The following SGO2 variants were observed in gnomAD, a reference collection of about 807,000 sequenced individuals.
SGO2 encodes shugoshin-like 2.
Under a neutral mutation model 99.5 loss-of-function variants are expected in SGO2, and 68 were observed. The observed-to-expected ratio is 0.68, with a 90% CI of 0.56 to 0.84. SGO2 has a LOEUF of 0.84. SGO2 is among the 40% of genes least tolerant of loss of function. The pLI, the probability that SGO2 is intolerant of heterozygous loss-of-function variation, is 0.00. For missense variants in SGO2, 1,350 were observed against 1,436.7 expected, an observed-to-expected ratio of 0.94 and a Z score of 0.97; for synonymous variants, 457 against 487.1, an observed-to-expected ratio of 0.94 and a Z score of 0.81.
chr2:200,580,767 C>G (rs1258535804), intron 8 of SGO2, among the ~76,000 whole-genome samples: 1 of 152,116 alleles, frequency 6.6e-6, no homozygotes, highest in Non-Finnish European at 1.5e-5. Context: ...CCTGGTAGGT[C>G]AAGGCTGCAG....
chr2:200,572,928 AATTT>A lies in SGO2; in HGVS notation c.2583_2586del (p.Glu861AspfsTer25). Reference sequence around the variant, plus strand: ...TCTGAAAATCTACAAGTCACAAATGAATTTCAAACAGTTGATCTTCTCATCAAAG... The same window carrying A: ...TCTGAAAATCTACAAGTCACAAATGACAAACAGTTGATCTTCTCATCAAAG... On this transcript the variant is annotated frameshift_variant, in exon 7 of 9. Coordinates refer to ENST00000357799, the MANE Select transcript of SGO2 (RefSeq NM_152524.6). LOFTEE classifies it high-confidence loss of function. 2 of 1,597,794 alleles carry A rather than the reference AATTT, an allele frequency of 1.3e-6. No homozygotes were observed. The highest frequency in any genetic ancestry group is 1.7e-4 in the Middle Eastern group (1 of 5,970).
intron 8 of SGO2, among the ~76,000 whole-genome samples, chr2:200,578,947 GTATTTCTCTTT>G (rs2033751177): frequency 6.6e-6 from 1 of 152,122 alleles, no homozygotes; most frequent in Non-Finnish European, 1.5e-5. Flanking sequence ...TTGGGGCTAG[GTATTTCTCTTT>G]TATGGGAGGC....
rs765753794 is a variant in SGO2, at chr2:200,571,416, A to G, written c.1070A>G (p.Gln357Arg). The change falls in exon 7 of 9, where the codon CAG becomes CGG. Residue 357 changes from glutamine (Q) to arginine (R), a missense_variant. Gln to Arg is a conservative substitution (Grantham distance 43). Coordinates refer to ENST00000357799, the MANE Select transcript of SGO2 (RefSeq NM_152524.6). ...QIEDNDDFQL[Q>R]KTVYDADMDL... is the part of the protein sequence containing the mutation. ...GAGGATAATGATGACTTTCAATTGCAGAAAACTGTGTATGATGCTGACATG... is the reference window on the plus strand; with the variant it reads ...GAGGATAATGATGACTTTCAATTGCGGAAAACTGTGTATGATGCTGACATG... 1 of 1,609,908 alleles carries G rather than the reference A, an allele frequency of 6.2e-7. No homozygotes were observed. Among genetic ancestry groups the G allele is most frequent in the Admixed American group, 1.7e-5 (1 of 59,728 alleles).
In SGO2 at chr2:200,573,899, C is replaced by T; in HGVS notation, c.3553C>T (p.Gln1185Ter). The T allele has an allele frequency of 6.2e-7, 1 of 1,611,748 alleles. No individual in the cohort carries two copies. The highest frequency in any genetic ancestry group is 8.5e-7 in the Non-Finnish European group (1 of 1,179,122). Reference sequence around the variant, plus strand: ...TGCCTTGGAGTGCTCCCCAGCCTTTCAAGTAAGTGATGATGAGCATGAGAA... The same window carrying T: ...TGCCTTGGAGTGCTCCCCAGCCTTTTAAGTAAGTGATGATGAGCATGAGAA... ...NFALECSPAF[Q>*]VSDDEHEKMN... The change falls in exon 7 of 9, where the codon CAA (glutamine) becomes TAA (stop). Residue 1185 changes from glutamine (Q) to a stop codon, truncating the protein, a stop_gained. Transcript: ENST00000357799. LOFTEE classifies it high-confidence loss of function.
chr2:200,569,596 C>A (rs926092900), intron 5 of SGO2, 67 bp from the exon 6 acceptor site: 3 of 1,139,154 alleles, frequency 2.6e-6, no homozygotes, highest in East Asian at 2.5e-5. Flanking sequence ...ATAGAAATAA[C>A]TGCCCATGCA....
intron 5 of SGO2, among the ~76,000 whole-genome samples, chr2:200,568,237 C>G (rs2033265476): frequency 6.6e-6 from 1 of 152,066 alleles, no homozygotes; most frequent in South Asian, 2.1e-4. Context: ...TTTTTATGTA[C>G]TTATTGGCCA....
rs758172636 is a variant in SGO2, at chr2:200,533,139, C to G, written c.133+31C>G. The G allele has an allele frequency of 6.6e-6, 10 of 1,520,690 alleles. No homozygotes were observed. The East Asian group carries it at 1.9e-4, about 29-fold the overall frequency. The allele number at this position is 1,520,690 out of a possible 1,614,324, so 94.2% of individuals were successfully genotyped here. A position where few individuals can be genotyped will look rare whatever the true frequency, so the allele number is the denominator to read the frequency against. ...TGCCATCAGTTTTAAAATACACTCACGTTTTAACTTTTCCCCAGAATTGTT... is the reference window on the plus strand; with the variant it reads ...TGCCATCAGTTTTAAAATACACTCAGGTTTTAACTTTTCCCCAGAATTGTT... On this transcript the variant is annotated intron_variant, in intron 2 of 8. Coordinates refer to ENST00000357799, the MANE Select transcript of SGO2 (RefSeq NM_152524.6).
intron 4 of SGO2, among the ~76,000 whole-genome samples, chr2:200,540,889 T>G (rs1287312662): frequency 6.6e-6 from 1 of 152,230 alleles, no homozygotes; most frequent in Non-Finnish European, 1.5e-5. Flanking sequence ...TTTTCTTTTC[T>G]TTTTTCATTT....
At chr2:200,535,282 G>A in intron 3 of SGO2, 111 bp downstream of exon 3, 1 of 969,406 alleles carries the variant, frequency 1.0e-6, no homozygotes, top group Admixed American at 3.1e-5. Context: ...AAAAATTATT[G>A]AAAGTCAGTA....
At chr2:200,528,214 C>T (rs1220011092) in intron 1 of SGO2, among the ~76,000 whole-genome samples, 1 of 152,050 alleles carries the variant, frequency 6.6e-6, no homozygotes, top group Non-Finnish European at 1.5e-5. Flanking sequence ...TTTTTTTTAA[C>T]ATGGGAGTAA....
chr2:200,582,582 C>CA (rs937967804), intron 8 of SGO2, among the ~76,000 whole-genome samples: 12 of 150,330 alleles, frequency 8.0e-5, no homozygotes, highest in African/African-American at 2.4e-4. Flanking sequence ...ATTTCGAAGG[C>CA]AAAAAAAAAG....
intron 4 of SGO2, among the ~76,000 whole-genome samples, chr2:200,541,644 T>C (rs931610513): frequency 6.6e-6 from 1 of 152,212 alleles, no homozygotes; most frequent in African/African-American, 2.4e-5. Context: ...ATAAAAAGAA[T>C]ATGAAACAGG....
intron 8 of SGO2, among the ~76,000 whole-genome samples, chr2:200,579,783 A>G (rs1296098710): frequency 6.6e-6 from 1 of 152,146 alleles, no homozygotes; most frequent in Non-Finnish European, 1.5e-5. Context: ...TAGAATTTTT[A>G]TATCAACATT....
intron 5 of SGO2, among the ~76,000 whole-genome samples, chr2:200,551,868 G>A (rs2032497943): frequency 6.6e-6 from 1 of 152,110 alleles, no homozygotes; most frequent in Non-Finnish European, 1.5e-5. Context: ...ATACCACACT[G>A]TCTTAATTAT....
chr2:200,542,801 G>A, intron 5 of SGO2, 137 bp downstream of exon 5: 1 of 645,478 alleles, frequency 1.5e-6, no homozygotes, highest in Non-Finnish European at 2.4e-6. Flanking sequence ...CTGGTTTGTA[G>A]TGTCTTGCTA....
Position 200,571,673 on chromosome 2 carries a change from A to C in SGO2, c.1327A>C (p.Arg443=). The C allele has an allele frequency of 6.2e-7, 1 of 1,613,680 alleles. No homozygotes were observed. The highest frequency in any genetic ancestry group is 1.1e-5 in the South Asian group (1 of 91,036). Reference sequence around the variant, plus strand: ...AAGATCTGATGTCCTGGATGGCAAAAGGGGTGCAGAAGATCCCGGTTTTAT... The same window carrying C: ...AAGATCTGATGTCCTGGATGGCAAACGGGGTGCAGAAGATCCCGGTTTTAT... ...TERSDVLDGK[R]GAEDPGFIFN... is the part of the protein sequence containing the mutation. The change falls in exon 7 of 9, where the codon AGG becomes CGG. Residue 443 remains arginine (R), a synonymous_variant. Coordinates refer to ENST00000357799, the MANE Select transcript of SGO2 (RefSeq NM_152524.6).
Position 200,571,865 on chromosome 2 carries a change from T to A in SGO2, c.1519T>A (p.Ser507Thr). ...TNEQEETYSL[S>T]QSSGKFHQES... Reference sequence around the variant, plus strand: ...TGAGCAAGAGGAAACATACTCTTTATCCCAAAGTTCAGGTAAATTTCACCA... The same window carrying A: ...TGAGCAAGAGGAAACATACTCTTTAACCCAAAGTTCAGGTAAATTTCACCA... Residue 507 changes from serine to threonine, a missense_variant, in exon 7 of 9, where the codon TCC becomes ACC. Physicochemically the swap from Ser to Thr is moderately conservative, Grantham distance 58. Transcript: ENST00000357799. 6 of 1,613,596 alleles carry A rather than the reference T, an allele frequency of 3.7e-6. No homozygotes were observed. Among genetic ancestry groups the A allele is most frequent in the Non-Finnish European group, 4.2e-6 (5 of 1,179,622 alleles).
intron 5 of SGO2, among the ~76,000 whole-genome samples, chr2:200,562,783 A>C (rs1337558603): frequency 6.6e-6 from 1 of 152,042 alleles, no homozygotes; most frequent in African/African-American, 2.4e-5. Flanking sequence ...ATCCCTTGTA[A>C]GTTGGATTCC....
intron 5 of SGO2, among the ~76,000 whole-genome samples, chr2:200,561,331 G>A (rs1483283759): frequency 6.6e-6 from 1 of 152,176 alleles, no homozygotes; most frequent in Non-Finnish European, 1.5e-5. Context: ...TGCTGAGAAT[G>A]ATGGTTTCCA....
Sources: allele counts gnomAD v4.1 joint callset (sites outside exome capture counted in the v4.1 genomes callset), GRCh38; gene constraint gnomAD v4.1.1; transcripts MANE v1.5; gene names NCBI Gene and HGNC (gene_info 2026-07-23, HGNC 2026-07-21).